The following DOCK10 variants were observed in gnomAD, a reference collection of about 807,000 sequenced individuals.
DOCK10 encodes the protein dedicator of cytokinesis protein 10.
Under a neutral mutation model 280.1 loss-of-function variants are expected in DOCK10, and 145 were observed. The ratio of observed to expected loss-of-function variants is 0.52; its 90% CI spans 0.45 to 0.59. The LOEUF (loss-of-function observed/expected upper bound fraction) is 0.59, where lower values mean the gene tolerates loss of function less well. Ranked by LOEUF, DOCK10 falls within the 20% of genes least tolerant of loss-of-function variation. The pLI is 0.00. For synonymous variants in DOCK10, 915 were observed against 942.2 expected, an observed-to-expected ratio of 0.97 and a Z score of 0.53; for missense variants, 2,368 against 2,651.7, an observed-to-expected ratio of 0.89 and a Z score of 2.35.
intron 1 of DOCK10, among the ~76,000 whole-genome samples, chr2:225,028,354 A>G (rs893059999): frequency 6.6e-6 from 1 of 152,162 alleles, no homozygotes; most frequent in Non-Finnish European, 1.5e-5. Flanking sequence ...CTCAGTTTGT[A>G]TCCAGCAAGA....
At chr2:224,977,043 T>C (rs1400379495) in intron 1 of DOCK10, among the ~76,000 whole-genome samples, 4 of 152,180 alleles carry the variant, frequency 2.6e-5, no homozygotes, top group African/African-American at 9.7e-5. Context: ...TCAGAAATGT[T>C]TGCCATATAA....
At chr2:224,884,742 C>A (rs746925617) in intron 7 of DOCK10, among the ~76,000 whole-genome samples, 11 of 152,156 alleles carry the variant, frequency 7.2e-5, no homozygotes, top group Non-Finnish European at 1.5e-4. Flanking sequence ...TTGAAGACAG[C>A]CACCTCTTAG....
rs1234783962 is a variant in DOCK10, at chr2:224,786,193, C to T, written c.5655+829G>A. ...CTGCACTCCAGCCTGGGCTACTGAG[C>T]GAGATGATGGGCTGGGGGCAGAGGA... On this transcript the variant is annotated intron_variant, in intron 50 of 55. Coordinates refer to ENST00000258390, the MANE Select transcript of DOCK10 (RefSeq NM_014689.3). This position sits in a 1 kb window ranked among gnomAD's most constrained non-coding sequence, Gnocchi z 4.7. 2.0e-5 allele frequency among the ~76,000 whole-genome samples: 3 copies of T among 152,136 alleles called. No homozygotes were observed. The highest frequency in any genetic ancestry group is 6.5e-5 in the Admixed American group (1 of 15,268).
At chr2:225,000,355 A>G (rs1221243539) in intron 1 of DOCK10, among the ~76,000 whole-genome samples, 1 of 152,182 alleles carries the variant, frequency 6.6e-6, no homozygotes, top group African/African-American at 2.4e-5. Flanking sequence ...ACCGCTGGGG[A>G]TCTCCTAGTA....
chr2:224,878,533 T>G (rs1033740745), intron 7 of DOCK10, among the ~76,000 whole-genome samples: 1 of 152,206 alleles, frequency 6.6e-6, no homozygotes, highest in Non-Finnish European at 1.5e-5. Context: ...TACTTGACAT[T>G]GCCCCGGCAC....
intron 1 of DOCK10, among the ~76,000 whole-genome samples, chr2:225,032,174 A>G (rs1220171138): frequency 6.6e-6 from 1 of 152,186 alleles, no homozygotes; most frequent in African/African-American, 2.4e-5. Context: ...GGACTAAAGC[A>G]TTCTTGAAGG....
intron 53 of DOCK10, 147 bp downstream of exon 53, chr2:224,773,010 A>G (rs1486139003): frequency 5.9e-6 from 4 of 679,268 alleles, no homozygotes; most frequent in East Asian, 2.8e-5. Flanking sequence ...TGACAACTAG[A>G]AGCCATTTTA....
chr2:225,037,808 C>T (rs868073262), intron 1 of DOCK10, among the ~76,000 whole-genome samples: 1 of 152,190 alleles, frequency 6.6e-6, no homozygotes, highest in Non-Finnish European at 1.5e-5. Context: ...TACATGTTGA[C>T]TCATTCTTTC....
At chr2:224,823,241 C>T (rs1018408524) in intron 28 of DOCK10, among the ~76,000 whole-genome samples, 2 of 152,028 alleles carry the variant, frequency 1.3e-5, no homozygotes, top group Non-Finnish European at 2.9e-5. Context: ...CCGCCTTGGC[C>T]TCCCAAAGTG....
Position 224,933,043 on chromosome 2 carries a change from T to C in DOCK10, c.124-1375A>G, listed in dbSNP as rs563139330. Reference sequence around the variant, plus strand: ...GGTAATGCCAGGTGAATATTCTGTCTAGAAGGTCCTTCCAGAAAGATGGCT... The same window carrying C: ...GGTAATGCCAGGTGAATATTCTGTCCAGAAGGTCCTTCCAGAAAGATGGCT... On this transcript the variant is annotated intron_variant, in intron 1 of 55. Transcript: ENST00000258390. Among the ~76,000 whole-genome samples the C allele has an allele frequency of 4.6e-5, 7 of 152,324 alleles. No homozygotes were observed. The South Asian group carries it at 6.2e-4, about 14-fold the overall frequency.
intron 7 of DOCK10, among the ~76,000 whole-genome samples, chr2:224,878,564 C>T (rs1421917956): frequency 6.6e-6 from 1 of 152,176 alleles, no homozygotes; most frequent in East Asian, 1.9e-4. Flanking sequence ...CATCTGTGGC[C>T]TGGGAGTTGT....
intron 47 of DOCK10, among the ~76,000 whole-genome samples, chr2:224,790,839 T>G (rs1316637950): frequency 6.6e-6 from 1 of 152,098 alleles, no homozygotes; most frequent in African/African-American, 2.4e-5. Flanking sequence ...AATATCAAAA[T>G]AGAAAAGTAT....
rs553616724 is a variant in DOCK10 at position 224,785,625 on chromosome 2, C to A, written c.5655+1397G>T. On this transcript the variant is annotated intron_variant, in intron 50 of 55. Transcript: ENST00000258390. ...TCTCCTGAGTAGCTGGGACTACAGA[C>A]GCCTGCCACCACACCCGGCTAATTT... 3.9e-3 allele frequency among the ~76,000 whole-genome samples: 600 copies of A among 152,122 alleles called. 6 individuals carry two copies. Among genetic ancestry groups the A allele is most frequent in the African/African-American group, 0.014 (562 of 41,506 alleles).
intron 11 of DOCK10, among the ~76,000 whole-genome samples, chr2:224,866,676 C>T (rs1024524403): frequency 6.6e-5 from 10 of 152,058 alleles, no homozygotes; most frequent in African/African-American, 1.9e-4. Context: ...TTCCATCATA[C>T]GGATGAGCTT....
chr2:225,006,454 C>T (rs1027679398), intron 1 of DOCK10, among the ~76,000 whole-genome samples: 5 of 152,126 alleles, frequency 3.3e-5, no homozygotes, highest in Non-Finnish European at 4.4e-5. Flanking sequence ...GTCGACATAC[C>T]TCCCATTTAT....
At chr2:224,892,397 C>CAAAAAAAAAAAAAAAAAAA (rs1174651393) in intron 4 of DOCK10, among the ~76,000 whole-genome samples, 6 of 52,248 alleles carry the variant, frequency 1.1e-4, no homozygotes, top group Non-Finnish European at 1.6e-4. Flanking sequence ...GACCCTGTCT[C>CAAAAAAAAAAAAAAAAAAA]AAAAAAAAAA....
At chr2:225,040,707 G>T (rs1404281061) in intron 1 of DOCK10, among the ~76,000 whole-genome samples, 2 of 152,142 alleles carry the variant, frequency 1.3e-5, no homozygotes, top group African/African-American at 4.8e-5. Flanking sequence ...TCAGTCCAAT[G>T]AGTCAATTGC....
At chr2:225,030,832 T>C (rs914986999) in intron 1 of DOCK10, among the ~76,000 whole-genome samples, 2 of 152,200 alleles carry the variant, frequency 1.3e-5, no homozygotes, top group Non-Finnish European at 2.9e-5. Flanking sequence ...GTAAATATTA[T>C]ACAATTTGTA....
At chr2:225,009,801 C>T (rs1689384332) in intron 1 of DOCK10, among the ~76,000 whole-genome samples, 1 of 152,136 alleles carries the variant, frequency 6.6e-6, no homozygotes. Context: ...ACGCTGGAGT[C>T]CTACTCTTTA....
Sources: allele counts gnomAD v4.1 joint callset (sites outside exome capture counted in the v4.1 genomes callset), GRCh38; gene constraint gnomAD v4.1.1; non-coding constraint Gnocchi (gnomAD v3.1); transcripts MANE v1.5; gene names NCBI Gene and HGNC (gene_info 2026-07-23, HGNC 2026-07-21).